The following ARHGEF10 variants were observed in gnomAD, a reference collection of about 807,000 sequenced individuals.
ARHGEF10 encodes the protein Rho guanine nucleotide exchange factor 10, also known as Rho guanine nucleotide exchange factor (GEF) 10.
ARHGEF10 carries 140 observed loss-of-function variants against 147.4 expected under a neutral mutation model. The ratio of observed to expected loss-of-function variants is 0.95; its 90% CI spans 0.83 to 1.09. The LOEUF (loss-of-function observed/expected upper bound fraction) is 1.09, where lower values mean the gene tolerates loss of function less well. Ranked by LOEUF, ARHGEF10 falls within the 50% of genes least tolerant of loss-of-function variation. The pLI is 0.00. For missense variants in ARHGEF10, 2,222 were observed against 1,752.7 expected (o/e 1.27, Z -4.78); for synonymous variants, 902 against 695.8 (o/e 1.30, Z -4.67).
At chr8:1,851,869 G>A (rs1433550185) in intron 2 of ARHGEF10, among the ~76,000 whole-genome samples, 4 of 151,488 alleles carry the variant, frequency 2.6e-5, no homozygotes, top group Admixed American at 1.3e-4. Context: ...AGCTGCGATC[G>A]CAATACTGCA....
intron 18 of ARHGEF10, among the ~76,000 whole-genome samples, chr8:1,920,224 A>T (rs1370483054): frequency 1.3e-5 from 2 of 152,256 alleles, no homozygotes. Context: ...CACCAAAAAT[A>T]GAAGGGTCAA....
chr8:1,882,115 G>A (rs548111725), intron 9 of ARHGEF10, among the ~76,000 whole-genome samples: 5 of 152,300 alleles, frequency 3.3e-5, no homozygotes, highest in East Asian at 3.9e-4. Context: ...GGTGTGTCCC[G>A]TGCGTGTCTG....
At chr8:1,829,559 C>T (rs1802966008) in intron 1 of ARHGEF10, among the ~76,000 whole-genome samples, 1 of 152,246 alleles carries the variant, frequency 6.6e-6, no homozygotes, top group Non-Finnish European at 1.5e-5. Context: ...TGACCCACGT[C>T]CAGCTGCCTC....
intron 2 of ARHGEF10, among the ~76,000 whole-genome samples, chr8:1,844,595 A>G (rs1804400978): frequency 6.6e-6 from 1 of 152,110 alleles, no homozygotes; most frequent in Non-Finnish European, 1.5e-5. Context: ...CCGGAGCCGC[A>G]AGACCACGGG....
At chr8:1,908,468 G>T (rs979814948) in intron 17 of ARHGEF10, among the ~76,000 whole-genome samples, 2 of 152,116 alleles carry the variant, frequency 1.3e-5, no homozygotes, top group East Asian at 3.9e-4. Context: ...TCCTGACCTT[G>T]TGATCTGCCT....
chr8:1,848,152 G>A lies in ARHGEF10; in HGVS notation c.37+4716G>A, dbSNP rs139434191. 3.2e-3 allele frequency among the ~76,000 whole-genome samples: 487 copies of A among 152,324 alleles called. 3 individuals are homozygous for A. The highest frequency in any genetic ancestry group is 0.011 in the African/African-American group (449 of 41,568). On this transcript the variant is annotated intron_variant, in intron 2 of 28. Transcript: ENST00000349830. ...AACAGAAAATTGAAGTGTTCTATGCGTCTTCTTTTGCATCGTGCATATTGT... is the reference window on the plus strand; with the variant it reads ...AACAGAAAATTGAAGTGTTCTATGCATCTTCTTTTGCATCGTGCATATTGT...
chr8:1,919,540 C>T (rs1023580947), intron 18 of ARHGEF10, among the ~76,000 whole-genome samples: 8 of 138,102 alleles, frequency 5.8e-5, no homozygotes, highest in African/African-American at 1.7e-4. Flanking sequence ...ACTGTTCTGT[C>T]GAGTGATGGA....
intron 2 of ARHGEF10, among the ~76,000 whole-genome samples, chr8:1,857,236 GA>G (rs1805617745): frequency 6.6e-6 from 1 of 152,086 alleles, no homozygotes. Context: ...GAGGCAAAAT[GA>G]AAATAAAAGG....
At chr8:1,875,215 A>G (rs1039131111) in intron 7 of ARHGEF10, among the ~76,000 whole-genome samples, 1 of 141,856 alleles carries the variant, frequency 7.0e-6, no homozygotes, top group African/African-American at 2.6e-5. Flanking sequence ...TAGAGGTTCT[A>G]AGACAGTCTG....
At chr8:1,838,294 C>G (rs75403599) in intron 1 of ARHGEF10, among the ~76,000 whole-genome samples, 1 of 152,220 alleles carries the variant, frequency 6.6e-6, no homozygotes, top group Non-Finnish European at 1.5e-5. Context: ...GGACTCATAG[C>G]TGTATTGGAG....
chr8:1,875,194 T>C (rs1408564877), intron 7 of ARHGEF10, among the ~76,000 whole-genome samples: 4 of 105,378 alleles, frequency 3.8e-5, no homozygotes, highest in African/African-American at 1.6e-4. Context: ...CACACGGGGC[T>C]GTGTCGGGGA....
intron 1 of ARHGEF10, among the ~76,000 whole-genome samples, chr8:1,836,457 C>T (rs1803586128): frequency 6.6e-6 from 1 of 152,164 alleles, no homozygotes; most frequent in Non-Finnish European, 1.5e-5. Context: ...GGTGAGTCAC[C>T]TGTGGGGAGT....
At chr8:1,919,304 AATGGAGCTGTTCTGTCAGTG>A (rs1474561679) in intron 18 of ARHGEF10, among the ~76,000 whole-genome samples, 3 of 114,804 alleles carry the variant, frequency 2.6e-5, no homozygotes, top group African/African-American at 3.6e-5. Context: ...TTTTATGGGT[AATGGAGCTGTTCTGTCAGTG>A]ATGGAGCTGT....
At chr8:1,835,930 C>A (rs1475220099) in intron 1 of ARHGEF10, among the ~76,000 whole-genome samples, 1 of 152,148 alleles carries the variant, frequency 6.6e-6, no homozygotes, top group Non-Finnish European at 1.5e-5. Flanking sequence ...ACCTGTAATC[C>A]CGGCACTTTG....
chr8:1,842,542 G>A (rs1369019776), intron 1 of ARHGEF10, among the ~76,000 whole-genome samples: 1 of 152,222 alleles, frequency 6.6e-6, no homozygotes, highest in Non-Finnish European at 1.5e-5. Context: ...GCCCCCTGTG[G>A]TCCCATGTGC....
intron 25 of ARHGEF10, among the ~76,000 whole-genome samples, chr8:1,933,582 G>A (rs113904549): frequency 0.01 from 1,540 of 151,802 alleles, 15 homozygotes; most frequent in Non-Finnish European, 0.015. Flanking sequence ...TGAGGGCTGC[G>A]TGTCCCACAG....
chr8:1,945,845 C>T (rs1358200016), intron 27 of ARHGEF10, 190 bp downstream of exon 27: 12 of 919,470 alleles, frequency 1.3e-5, no homozygotes, highest in East Asian at 2.6e-5. Context: ...CCCACTTTAG[C>T]GCTTCCCGGT....
At chr8:1,863,500 G>A (rs1271154064) in intron 4 of ARHGEF10, among the ~76,000 whole-genome samples, 5 of 152,220 alleles carry the variant, frequency 3.3e-5, no homozygotes, top group Non-Finnish European at 2.9e-5. Flanking sequence ...CCAGTGTGGC[G>A]ATGAGCAGCA....
chr8:1,936,065 A>G (rs1164295967), intron 26 of ARHGEF10, among the ~76,000 whole-genome samples: 1 of 152,074 alleles, frequency 6.6e-6, no homozygotes, highest in East Asian at 1.9e-4. Context: ...TCACACCTGC[A>G]TTTTTCAGCC....
Sources: gnomAD v4.1 joint callset for allele counts (sites outside exome capture counted in the v4.1 genomes callset) on GRCh38, gnomAD v4.1.1 for gene constraint, MANE v1.5 for transcripts, NCBI Gene and HGNC (gene_info 2026-07-23, HGNC 2026-07-21) for gene names.